SPTBN4: variants seen among roughly 807,000 people sequenced by gnomAD.
The protein encoded by SPTBN4 is spectrin beta chain, non-erythrocytic 4.
Under a neutral mutation model 277.8 loss-of-function variants are expected in SPTBN4, and 96 were observed. The observed-to-expected ratio is 0.35, with a 90% CI of 0.29 to 0.41. The LOEUF is 0.41. Ranked by LOEUF, SPTBN4 falls within the 10% of genes least tolerant of loss-of-function variation. The pLI, the probability that SPTBN4 is intolerant of heterozygous loss-of-function variation, is 1.00. For missense variants in SPTBN4, 3,006 were observed against 3,595.7 expected (o/e 0.84, Z 4.19); for synonymous variants, 1,481 against 1,580.3 (o/e 0.94, Z 1.49).
chr19:40,550,097 A>G lies in SPTBN4; in HGVS notation c.4585-141A>G, dbSNP rs2080900990. 6.3e-6 allele frequency: 4 copies of G among 631,046 alleles called. No homozygotes were observed. The South Asian group carries it at 8.7e-5, about 14-fold the overall frequency. The allele number at this position is 631,046 out of a possible 1,614,324, so 39.1% of individuals were successfully genotyped here. A position where few individuals can be genotyped will look rare whatever the true frequency, so the allele number is the denominator to read the frequency against. On this transcript the variant is annotated intron_variant, in intron 21 of 35. Transcript: ENST00000598249. ...CCCATCTCAAAGAAAAAAAAAAAAC[A>G]AAAAATGGAGGAGGCTGAATATTCA...
chr19:40,489,949 A>G (rs1287932301), intron 3 of SPTBN4, 126 bp from the exon 4 acceptor site: 7 of 932,426 alleles, frequency 7.5e-6, no homozygotes, highest in South Asian at 7.3e-5. Context: ...AGAGGAGGAC[A>G]GCCTGATCCT....
Position 40,575,405 on chromosome 19 carries a change from C to T in SPTBN4, c.7537-6C>T. 1 of 1,612,404 alleles carries T rather than the reference C, an allele frequency of 6.2e-7. No individual in the cohort carries two copies. ...TACGGCCTCTGTGCCCTGTTTCTTC[C>T]CCCAGGAGGAGATGAACGGCTGGCT... On this transcript the variant is annotated splice_polypyrimidine_tract_variant and splice_region_variant and intron_variant, in intron 35 of 35. Coordinates refer to ENST00000598249, the MANE Select transcript of SPTBN4 (RefSeq NM_020971.3).
rs1456056691 is a variant in SPTBN4, at chr19:40,566,283, T to G, written c.6260T>G (p.Ile2087Ser). 3.1e-6 allele frequency: 5 copies of G among 1,590,772 alleles called. No individual in the cohort carries two copies. The highest frequency in any genetic ancestry group is 4.3e-6 in the Non-Finnish European group (5 of 1,168,694). ...AGCGTGGATGAGGTGGAGCAGCTTA[T>G]CCGGCGACATGAGGCCTTCCGCAAA... The part of the protein sequence containing the change: ...GSSVDEVEQL[I>S]RRHEAFRKAA... The change falls in exon 30 of 36, where the codon ATC (isoleucine) becomes AGC (serine). Residue 2087 changes from isoleucine (I) to serine (S), a missense_variant. Ile to Ser is a moderately radical substitution (Grantham distance 142). Coordinates refer to ENST00000598249, the MANE Select transcript of SPTBN4 (RefSeq NM_020971.3).
chr19:40,487,296 T>C (rs2080083120), intron 2 of SPTBN4, among the ~76,000 whole-genome samples: 1 of 151,020 alleles, frequency 6.6e-6, no homozygotes, highest in African/African-American at 2.4e-5. Context: ...CGTCTCAGCC[T>C]TCCAAAGTGC....
intron 26 of SPTBN4, among the ~76,000 whole-genome samples, chr19:40,559,863 C>T (rs1310507806): frequency 6.6e-6 from 1 of 152,082 alleles, no homozygotes; most frequent in Non-Finnish European, 1.5e-5. Context: ...CCTGAAAGAC[C>T]CAAGGTAGGG....
At chr19:40,572,668 G>A in intron 35 of SPTBN4, 1 of 450,212 alleles carries the variant, frequency 2.2e-6, no homozygotes, top group South Asian at 3.0e-5. Context: ...CTTTAAAAAG[G>A]GGTGATTTGG....
intron 2 of SPTBN4, among the ~76,000 whole-genome samples, chr19:40,475,650 C>T (rs929199251): frequency 2.4e-4 from 36 of 151,302 alleles, no homozygotes; most frequent in Middle Eastern, 3.4e-3. Flanking sequence ...TTAATTGAGG[C>T]GGGGTTTCAC....
intron 20 of SPTBN4, among the ~76,000 whole-genome samples, chr19:40,546,743 G>T (rs1029682979): frequency 2.0e-5 from 3 of 152,136 alleles, no homozygotes; most frequent in African/African-American, 7.2e-5. Flanking sequence ...TTGGGAGGCT[G>T]AGGCAAGAGG....
chr19:40,572,489 G>A lies in SPTBN4; in HGVS notation c.7536+109G>A, dbSNP rs907477076. 5.1e-6 allele frequency: 7 copies of A among 1,376,334 alleles called. No individual in the cohort carries two copies. The Admixed American group carries it at 8.5e-5, about 17-fold the overall frequency. 85.3% of individuals were successfully genotyped at this position (1,376,334 alleles called of 1,614,324 possible). ...TGAGAAGGGACACTCACAGGCCAGA[G>A]TTATCAGGGCTGTAATGGGAAAGCC... On this transcript the variant is annotated intron_variant, in intron 35 of 35. Coordinates refer to ENST00000598249, the MANE Select transcript of SPTBN4 (RefSeq NM_020971.3).
In SPTBN4 at chr19:40,487,788, G is replaced by A. The variant is rs201160683; in HGVS notation, c.261G>A (p.Val87=). 2.0e-5 allele frequency: 32 copies of A among 1,612,380 alleles called. No homozygotes were observed. In the Admixed American group the frequency reaches 3.3e-4, roughly 17 times the overall value. Residue 87 remains valine (V), a synonymous_variant, in exon 3 of 36, where the codon GTG becomes GTA. Coordinates refer to ENST00000598249, the MANE Select transcript of SPTBN4 (RefSeq NM_020971.3). ...GCTGCCACATCGGGGACCTCTATGT[G>A]GACCTCCGGGACGGCTTCGTGCTCA... The part of the protein sequence containing the change: ...RVGCHIGDLY[V]DLRDGFVLTR...
chr19:40,494,973 C>T lies in SPTBN4; in HGVS notation c.664C>T (p.His222Tyr), dbSNP rs779689338. Residue 222 changes from histidine (H) to tyrosine (Y), a missense_variant, in exon 6 of 36, where the codon CAC becomes TAC. By Grantham distance (83) the His-to-Tyr change is moderately conservative (BLOSUM62 2). Around this residue, in one of 5 missense-constraint regions of SPTBN4, gnomAD observed 1,759 missense variants for 2,061.5 expected, o/e 0.85. Coordinates refer to ENST00000598249, the MANE Select transcript of SPTBN4 (RefSeq NM_020971.3). ...GLAFNALIHR[H>Y]RPDLVDFSKL... ...GGCCTTCAATGCCCTCATTCACCGGCACAGGTACCACCTGGCCTGGGACAG... is the reference window on the plus strand; with the variant it reads ...GGCCTTCAATGCCCTCATTCACCGGTACAGGTACCACCTGGCCTGGGACAG... The T allele has an allele frequency of 1.2e-5, 20 of 1,614,136 alleles. 1 individual carries two copies. In the South Asian group the frequency reaches 2.2e-4, roughly 18 times the overall value.
chr19:40,523,413 T>C lies in SPTBN4; in HGVS notation c.3655-24T>C, dbSNP rs761943534. On this transcript the variant is annotated intron_variant, in intron 16 of 35. Transcript: ENST00000598249. ...CCTGGAATGGAATGAGGCTGACCTT[T>C]GCACCACGCTCCCTCCTCCCCAGGA... 5 of 1,569,702 alleles carry C rather than the reference T, an allele frequency of 3.2e-6. No individual in the cohort carries two copies. The South Asian group carries it at 5.8e-5, about 18-fold the overall frequency.
rs761769584 is a variant in SPTBN4, at chr19:40,523,614, G to A, written c.3832G>A (p.Glu1278Lys). 1.2e-6 allele frequency: 2 copies of A among 1,613,188 alleles called. No individual in the cohort carries two copies. The highest frequency in any genetic ancestry group is 1.7e-6 in the Non-Finnish European group (2 of 1,179,344). ...CAACATCTACGGGGAGCAGGCTCAG[G>A]AGGCTGTGACCCGGCTGCTGGAGAA... is the stretch of plus-strand genomic sequence containing the variant. ...QGNIYGEQAQ[E>K]AVTRLLEKNQ... The change falls in exon 17 of 36, where the codon GAG becomes AAG. Residue 1278 changes from glutamate (E) to lysine (K), a missense_variant. Glu to Lys is a moderately conservative substitution (Grantham distance 56). Around this residue, in one of 5 missense-constraint regions of SPTBN4, gnomAD observed 1,759 missense variants for 2,061.5 expected, o/e 0.85. Coordinates refer to ENST00000598249, the MANE Select transcript of SPTBN4 (RefSeq NM_020971.3).
intron 17 of SPTBN4, among the ~76,000 whole-genome samples, chr19:40,524,229 G>T (rs1462803914): frequency 6.6e-6 from 1 of 152,062 alleles, no homozygotes; most frequent in Non-Finnish European, 1.5e-5. Flanking sequence ...GTTAGGCTGG[G>T]TGCAGTGACT....
At chr19:40,552,225 G>T (rs2080925385) in intron 22 of SPTBN4, among the ~76,000 whole-genome samples, 1 of 152,148 alleles carries the variant, frequency 6.6e-6, no homozygotes, top group African/African-American at 2.4e-5. Context: ...GGAGGCCGAG[G>T]CGAGTGGATC....
At chr19:40,528,527 T>G (rs1318052434) in intron 17 of SPTBN4, among the ~76,000 whole-genome samples, 1 of 152,172 alleles carries the variant, frequency 6.6e-6, no homozygotes, top group Non-Finnish European at 1.5e-5. Flanking sequence ...CCTCTGCCTG[T>G]CTCTCTCTGG....
At chr19:40,523,961 G>A (rs967461241) in intron 17 of SPTBN4, among the ~76,000 whole-genome samples, 6 of 151,972 alleles carry the variant, frequency 3.9e-5, no homozygotes, top group African/African-American at 9.7e-5. Flanking sequence ...GAGCCACCAC[G>A]CTGGCTAATT....
chr19:40,520,976 G>A (rs1407516343), intron 16 of SPTBN4, among the ~76,000 whole-genome samples: 4 of 151,950 alleles, frequency 2.6e-5, no homozygotes, highest in African/African-American at 9.7e-5. Flanking sequence ...CTAGGCTGGA[G>A]GGCAGTGGCG....
chr19:40,482,405 A>G (rs1004358809), intron 2 of SPTBN4, among the ~76,000 whole-genome samples: 11 of 152,034 alleles, frequency 7.2e-5, no homozygotes, highest in Non-Finnish European at 1.5e-4. Flanking sequence ...TCTTGTTAGC[A>G]TGGAGCAAGA....
Sources: allele counts gnomAD v4.1 joint callset (sites outside exome capture counted in the v4.1 genomes callset), GRCh38; gene constraint gnomAD v4.1.1; regional missense constraint gnomAD v4.1.1; transcripts MANE v1.5; gene names NCBI Gene and HGNC (gene_info 2026-07-23, HGNC 2026-07-21).